Variants in GRAMD1B observed in about 807,000 individuals in gnomAD.
GRAMD1B encodes the protein GRAM domain containing 1B.
Under a neutral mutation model 99.7 loss-of-function variants are expected in GRAMD1B, and 37 were observed. The ratio of observed to expected loss-of-function variants is 0.37; its 90% CI spans 0.29 to 0.49. The LOEUF (loss-of-function observed/expected upper bound fraction) is 0.49. Ranked by LOEUF, GRAMD1B falls within the 20% of genes least tolerant of loss-of-function variation. GRAMD1B has a pLI of 0.98. For synonymous variants in GRAMD1B, 427 were observed against 387.6 expected (o/e 1.10, Z -1.19); for missense variants, 888 against 1,009.2 (o/e 0.88, Z 1.63).
intron 2 of GRAMD1B, among the ~76,000 whole-genome samples, chr11:123,530,885 G>T (rs1943294017): frequency 6.6e-6 from 1 of 152,216 alleles, no homozygotes; most frequent in South Asian, 2.1e-4. Context: ...TTGGCCTGCT[G>T]TGTGGCCCTG....
chr11:123,358,543 G>A (rs995089979), exon 1 of GRAMD1B: 16 of 152,144 alleles, frequency 1.1e-4, no homozygotes, highest in African/African-American at 3.9e-4. Flanking sequence ...TCCCGGCTCC[G>A]AGGGTGCAGC....
intron 2 of GRAMD1B, among the ~76,000 whole-genome samples, chr11:123,566,715 G>A (rs1452132350): frequency 6.6e-6 from 1 of 151,726 alleles, no homozygotes; most frequent in Non-Finnish European, 1.5e-5. Flanking sequence ...GCAGTGAGCC[G>A]AGATCGTGCC....
chr11:123,481,563 A>T (rs1341516413), intron 2 of GRAMD1B, among the ~76,000 whole-genome samples: 1 of 152,216 alleles, frequency 6.6e-6, no homozygotes, highest in African/African-American at 2.4e-5. Context: ...TTTGTGCCTG[A>T]GGAAGCTGCA....
At chr11:123,410,691 AC>A (rs1948015889) in intron 1 of GRAMD1B, among the ~76,000 whole-genome samples, 1 of 152,132 alleles carries the variant, frequency 6.6e-6, no homozygotes, top group Non-Finnish European at 1.5e-5. Flanking sequence ...TTGAGGAAAG[AC>A]AAAGAAGATC....
chr11:123,410,050 C>A lies in GRAMD1B; in HGVS notation c.-176+51251C>A, dbSNP rs188216105. ...TGCCTTGTGCCTTTCCCTTTCTGAC[C>A]CCCTGTGCCAGACAGGCTGATCCTA... On this transcript the variant is annotated intron_variant, in intron 1 of 20. Coordinates refer to the GRAMD1B transcript ENST00000638157. Among the ~76,000 whole-genome samples the A allele has an allele frequency of 3.9e-5, 6 of 152,172 alleles. 1 individual carries two copies. The East Asian group carries it at 1.2e-3, about 29-fold the overall frequency.
At chr11:123,416,063 A>C (rs1948223511) in intron 1 of GRAMD1B, among the ~76,000 whole-genome samples, 1 of 152,192 alleles carries the variant, frequency 6.6e-6, no homozygotes, top group African/African-American at 2.4e-5. Context: ...TTCCCCTAGA[A>C]CTGATTTCAC....
chr11:123,603,606 A>G (rs1952284938), intron 9 of GRAMD1B, 65 bp downstream of exon 9: 1 of 888,842 alleles, frequency 1.1e-6, no homozygotes, highest in Non-Finnish European at 1.9e-6. Flanking sequence ...AGAACCTGCC[A>G]GGCAGAGGGA....
intron 1 of GRAMD1B, among the ~76,000 whole-genome samples, chr11:123,406,551 C>G (rs1179292915): frequency 6.6e-6 from 1 of 152,128 alleles, no homozygotes; most frequent in Non-Finnish European, 1.5e-5. Context: ...TCTGCCGGGC[C>G]CATTGTTGTT....
intron 1 of GRAMD1B, among the ~76,000 whole-genome samples, chr11:123,475,899 G>A (rs1357349509): frequency 2.0e-5 from 3 of 152,118 alleles, no homozygotes; most frequent in Admixed American, 1.3e-4. Context: ...CATGGTCTCC[G>A]AAGACTGGTA....
intron 14 of GRAMD1B, among the ~76,000 whole-genome samples, chr11:123,611,714 G>T (rs564444566): frequency 4.6e-5 from 7 of 152,296 alleles, no homozygotes; most frequent in African/African-American, 1.4e-4. Context: ...TTATAGGAAG[G>T]TGCCCATCCA....
chr11:123,469,769 C>CCT (rs1555128621), intron 1 of GRAMD1B, among the ~76,000 whole-genome samples: 13 of 90,310 alleles, frequency 1.4e-4, no homozygotes, highest in South Asian at 4.1e-4. Flanking sequence ...TTCTTTCTTT[C>CCT]TCTTTCTTTC....
intron 5 of GRAMD1B, 151 bp from the exon 6 acceptor site, chr11:123,594,584 T>C (rs911779209): frequency 1.6e-6 from 1 of 620,394 alleles, no homozygotes; most frequent in Non-Finnish European, 2.9e-6. Flanking sequence ...AGGGACTTCC[T>C]TGGCTGCTAG....
At chr11:123,361,780 G>A (rs1211350465) in intron 1 of GRAMD1B, among the ~76,000 whole-genome samples, 3 of 152,206 alleles carry the variant, frequency 2.0e-5, no homozygotes, top group African/African-American at 7.2e-5. Flanking sequence ...CATACCTGGT[G>A]GGTCTGCATT....
At chr11:123,576,508 T>C (rs1019403152) in intron 2 of GRAMD1B, among the ~76,000 whole-genome samples, 1 of 152,258 alleles carries the variant, frequency 6.6e-6, no homozygotes, top group South Asian at 2.1e-4. Flanking sequence ...TCTCTTCTTC[T>C]AGTCCATTGA....
intron 1 of GRAMD1B, among the ~76,000 whole-genome samples, chr11:123,447,775 C>T (rs142702034): frequency 8.0e-4 from 122 of 152,278 alleles, no homozygotes; most frequent in Non-Finnish European, 1.3e-3. Flanking sequence ...TCTATGAGGC[C>T]TCCAAGTCTG....
chr11:123,418,131 A>G (rs1199202230), intron 1 of GRAMD1B, among the ~76,000 whole-genome samples: 1 of 152,170 alleles, frequency 6.6e-6, no homozygotes, highest in East Asian at 1.9e-4. Context: ...TTGAAACTCA[A>G]ATGGAATAAA....
chr11:123,560,755 A>AT (rs1199248185), intron 2 of GRAMD1B: 3 of 437,476 alleles, frequency 6.9e-6, no homozygotes, highest in East Asian at 7.2e-5. Flanking sequence ...TCCTCGTGGG[A>AT]TTTTTTGGAA....
At chr11:123,437,688 A>G (rs1433082985) in intron 1 of GRAMD1B, among the ~76,000 whole-genome samples, 1 of 152,114 alleles carries the variant, frequency 6.6e-6, no homozygotes, top group Non-Finnish European at 1.5e-5. Flanking sequence ...CCGCTCACTA[A>G]TTGTGCCCAG....
intron 8 of GRAMD1B, among the ~76,000 whole-genome samples, chr11:123,602,301 A>AATTATTATTATT (rs4063750): frequency 0.021 from 3,110 of 150,380 alleles, 26 homozygotes; most frequent in Non-Finnish European, 0.028. Flanking sequence ...GGAGCTCTCA[A>AATTATTATTATT]ATTATTATTA....
Sources: allele counts gnomAD v4.1 joint callset (sites outside exome capture counted in the v4.1 genomes callset), GRCh38; gene constraint gnomAD v4.1.1; transcripts MANE v1.5; gene names NCBI Gene and HGNC (gene_info 2026-07-23, HGNC 2026-07-21).